Variants in PKHD1L1 observed in about 807,000 individuals in gnomAD.
The protein encoded by PKHD1L1 is fibrocystin-L.
PKHD1L1 carries 434 observed loss-of-function variants against 462.9 expected under a neutral mutation model. The ratio of observed to expected loss-of-function variants is 0.94; its 90% CI spans 0.87 to 1.02. The LOEUF (loss-of-function observed/expected upper bound fraction) is 1.02, where lower values mean the gene tolerates loss of function less well. Ranked by LOEUF, PKHD1L1 falls within the 50% of genes least tolerant of loss-of-function variation. The pLI is 0.00. For missense variants in PKHD1L1, 5,202 were observed against 5,096.1 expected, an observed-to-expected ratio of 1.02 and a Z score of -0.63; for synonymous variants, 1,781 against 1,750.0, an observed-to-expected ratio of 1.02 and a Z score of -0.44.
In PKHD1L1 at chr8:109,441,274, G is replaced by A. The variant is rs1197729372; in HGVS notation, c.4100-1G>A. 8 of 1,540,456 alleles carry A rather than the reference G, an allele frequency of 5.2e-6. No homozygotes were observed. The highest frequency in any genetic ancestry group is 7.0e-6 in the Non-Finnish European group (8 of 1,137,136). On this transcript the variant is annotated splice_acceptor_variant, in intron 33 of 77. Coordinates refer to ENST00000378402, the MANE Select transcript of PKHD1L1 (RefSeq NM_177531.6). LOFTEE classifies it high-confidence loss of function. Reference sequence around the variant, plus strand: ...AAATATGCAGTATTTATTCTTTCTAGGGTCCATCCCTTGCAATGTTACATC... The same window carrying A: ...AAATATGCAGTATTTATTCTTTCTAAGGTCCATCCCTTGCAATGTTACATC...
intron 2 of PKHD1L1, among the ~76,000 whole-genome samples, chr8:109,369,266 C>T (rs758136678): frequency 6.6e-6 from 1 of 152,116 alleles, no homozygotes. Context: ...CGTGAGCCAC[C>T]GCACCTGGCC....
At position 109,443,934 on chromosome 8, in the gene PKHD1L1, A is replaced by G. The variant is rs781221884; in HGVS notation, c.4791+32A>G. ...ATATAAATACCTCCTTTGTACTTCT[A>G]TTATATGTTCCCAATAAAAGTATTT... On this transcript the variant is annotated intron_variant, in intron 37 of 77. Transcript: ENST00000378402. 2.7e-6 allele frequency: 4 copies of G among 1,498,820 alleles called. No homozygotes were observed. In the South Asian group the frequency reaches 4.7e-5, roughly 18 times the overall value. 92.8% of individuals were successfully genotyped at this position (1,498,820 alleles called of 1,614,324 possible). A position where few individuals can be genotyped will look rare whatever the true frequency, so the allele number is the denominator to read the frequency against.
chr8:109,479,952 T>C, intron 54 of PKHD1L1, 39 bp from the exon 55 acceptor site: 1 of 1,505,034 alleles, frequency 6.6e-7, no homozygotes, highest in Non-Finnish European at 8.8e-7. Flanking sequence ...AGTTGTAGTT[T>C]ATGGATTATG....
rs1815944682 is a variant in PKHD1L1 at position 109,443,682 on chromosome 8, C to T, written c.4571C>T (p.Pro1524Leu). The T allele has an allele frequency of 6.2e-7, 1 of 1,610,520 alleles. No individual in the cohort carries two copies. Among genetic ancestry groups the T allele is most frequent in the African/African-American group, 1.3e-5 (1 of 74,812 alleles). The change falls in exon 37 of 78, where the codon CCT becomes CTT. Residue 1524 changes from proline to leucine, a missense_variant. Pro to Leu is a moderately conservative substitution (Grantham distance 98). Around this residue, in one of 3 missense-constraint regions of PKHD1L1, gnomAD observed 4,497 missense variants for 4,336.8 expected, o/e 1.04. Transcript: ENST00000378402. ...GCAGTTCTTTTGTCTAAAGGAGGAC[C>T]TGAGAATTTGCACTTGGGAAGCTCT... ...RSEATYAYGG[P>L]ENLHLGSSVA... is the part of the protein sequence containing the mutation.
intron 2 of PKHD1L1, among the ~76,000 whole-genome samples, chr8:109,371,824 CATT>C (rs1811527401): frequency 6.6e-6 from 1 of 152,068 alleles, no homozygotes; most frequent in Non-Finnish European, 1.5e-5. Flanking sequence ...AGATATGCGG[CATT>C]ATTTCTGAGG....
chr8:109,419,823 C>A (rs149785358), intron 22 of PKHD1L1, among the ~76,000 whole-genome samples: 1 of 152,202 alleles, frequency 6.6e-6, no homozygotes, highest in Admixed American at 6.5e-5. Context: ...AAACAGTCAC[C>A]TTAAAAGTGA....
At chr8:109,412,795 G>A (rs1319143955) in intron 20 of PKHD1L1, among the ~76,000 whole-genome samples, 1 of 152,088 alleles carries the variant, frequency 6.6e-6, no homozygotes, top group Non-Finnish European at 1.5e-5. Context: ...TCCAGTCAGG[G>A]AGAAGTGAAA....
At chr8:109,399,841 C>A (rs923511423) in intron 12 of PKHD1L1, among the ~76,000 whole-genome samples, 18 of 152,082 alleles carry the variant, frequency 1.2e-4, no homozygotes, top group Non-Finnish European at 2.5e-4. Context: ...ATTATTATTA[C>A]TCCCATTTTA....
Position 109,429,420 on chromosome 8 carries a change from T to G in PKHD1L1, c.3081T>G (p.His1027Gln), listed in dbSNP as rs774865005. The G allele has an allele frequency of 8.7e-6, 14 of 1,607,070 alleles. No homozygotes were observed. Among genetic ancestry groups the G allele is most frequent in the Admixed American group, 1.7e-5 (1 of 59,294 alleles). The change falls in exon 26 of 78, where the codon CAT (histidine) becomes CAG (glutamine). Residue 1027 changes from histidine to glutamine, a missense_variant. Transcript: ENST00000378402. ...RIKEGGLFRQ[H>Q]VLGDLLRTPS... ...AGGAAGGTGGCTTATTCAGACAACA[T>G]GTACTTGGAGACCTACTTCGTACAC...
intron 41 of PKHD1L1, 76 bp from the exon 42 acceptor site, chr8:109,452,048 G>T: frequency 2.2e-6 from 3 of 1,334,778 alleles, no homozygotes; most frequent in Non-Finnish European, 2.0e-6. Flanking sequence ...ATAATACATA[G>T]GAATAAAAGG....
intron 21 of PKHD1L1, among the ~76,000 whole-genome samples, chr8:109,414,186 T>C (rs1010275522): frequency 6.6e-6 from 1 of 152,166 alleles, no homozygotes; most frequent in South Asian, 2.1e-4. Flanking sequence ...ATTTCATTTA[T>C]GGTATTTCAT....
At chr8:109,397,092 C>T (rs1813016180) in intron 11 of PKHD1L1, among the ~76,000 whole-genome samples, 2 of 151,944 alleles carry the variant, frequency 1.3e-5, no homozygotes, top group Admixed American at 1.3e-4. Flanking sequence ...AAAACCAGGG[C>T]CATAATGTAC....
intron 73 of PKHD1L1, among the ~76,000 whole-genome samples, chr8:109,521,822 T>G (rs1478003549): frequency 6.6e-6 from 1 of 152,198 alleles, no homozygotes; most frequent in Admixed American, 6.5e-5. Flanking sequence ...ACACTTTATT[T>G]TTTAAAATGA....
intron 50 of PKHD1L1, among the ~76,000 whole-genome samples, chr8:109,469,232 G>T (rs1817597719): frequency 6.6e-6 from 1 of 152,076 alleles, no homozygotes; most frequent in African/African-American, 2.4e-5. Flanking sequence ...TGAGAGAACA[G>T]CTACCATAGA....
intron 21 of PKHD1L1, 62 bp downstream of exon 21, chr8:109,413,607 G>C: frequency 7.7e-7 from 1 of 1,290,496 alleles, no homozygotes; most frequent in Non-Finnish European, 1.0e-6. Flanking sequence ...ACAAAGATAA[G>C]ACAAATCCAT....
At chr8:109,376,093 C>G (rs1586380414) in intron 2 of PKHD1L1, among the ~76,000 whole-genome samples, 1 of 152,216 alleles carries the variant, frequency 6.6e-6, no homozygotes, top group Non-Finnish European at 1.5e-5. Context: ...TGCCCTGCCC[C>G]CAAAGGTGGA....
intron 2 of PKHD1L1, among the ~76,000 whole-genome samples, chr8:109,372,878 T>C (rs1197591057): frequency 6.6e-6 from 1 of 152,216 alleles, no homozygotes; most frequent in Non-Finnish European, 1.5e-5. Flanking sequence ...GTGGATAAGC[T>C]TTTTGATGTG....
rs766365101 is a variant in PKHD1L1, at chr8:109,440,770, A to G, written c.4017A>G (p.Arg1339=). 2 of 1,613,156 alleles carry G rather than the reference A, an allele frequency of 1.2e-6. No individual in the cohort carries two copies. Among genetic ancestry groups the G allele is most frequent in the South Asian group, 2.2e-5 (2 of 91,048 alleles). Residue 1339 remains arginine, a synonymous_variant, in exon 33 of 78, where the codon AGA becomes AGG. Coordinates refer to ENST00000378402, the MANE Select transcript of PKHD1L1 (RefSeq NM_177531.6). ...VLEVTSMFPQ[R]GSLFGGTEIT... ...AAGTGACCAGCATGTTTCCACAAAG[A>G]GGCTCCTTGTTTGGTGGAACTGAAA... is the stretch of plus-strand genomic sequence containing the variant.
At chr8:109,442,809 G>A (rs1815878552) in intron 35 of PKHD1L1, 137 bp from the exon 36 acceptor site, 2 of 773,324 alleles carry the variant, frequency 2.6e-6, no homozygotes, top group African/African-American at 3.5e-5. Context: ...ACATTCTGTT[G>A]ACATTTCATA....
Sources: allele counts gnomAD v4.1 joint callset (sites outside exome capture counted in the v4.1 genomes callset), GRCh38; gene constraint gnomAD v4.1.1; regional missense constraint gnomAD v4.1.1; transcripts MANE v1.5; gene names NCBI Gene and HGNC (gene_info 2026-07-23, HGNC 2026-07-21).